Variants in KCNT2 observed in about 807,000 individuals in gnomAD.
The protein encoded by KCNT2 is potassium sodium-activated channel subfamily T member 2.
In KCNT2, 67 loss-of-function variants were observed where a neutral mutation model predicts 153.8. The ratio of observed to expected loss-of-function variants is 0.44; its 90% confidence interval spans 0.36 to 0.53. The LOEUF (loss-of-function observed/expected upper bound fraction) is 0.53, where lower values mean the gene tolerates loss of function less well. KCNT2 is among the 20% of genes least tolerant of loss of function. The probability of loss-of-function intolerance (pLI) is 0.00; values close to 1 mark genes in which losing one functional copy is unlikely to be tolerated. For synonymous variants in KCNT2, 500 were observed against 458.8 expected, an observed-to-expected ratio of 1.09 and a Z score of -1.15; for missense variants, 975 against 1,354.8, an observed-to-expected ratio of 0.72 and a Z score of 4.40.
chr1:196,307,822 A>G (rs1661778850), intron 21 of KCNT2, among the ~76,000 whole-genome samples: 2 of 151,942 alleles, frequency 1.3e-5, no homozygotes, highest in African/African-American at 4.8e-5. Context: ...GGCCTGATGG[A>G]AAAAAAATGT....
chr1:196,435,868 TA>T (rs1011515925), intron 8 of KCNT2, among the ~76,000 whole-genome samples: 1 of 151,718 alleles, frequency 6.6e-6, no homozygotes. Context: ...TGTTTTTATG[TA>T]AAAAGTCACC....
chr1:196,465,801 T>G (rs1677561729), intron 7 of KCNT2, among the ~76,000 whole-genome samples: 1 of 151,866 alleles, frequency 6.6e-6, no homozygotes, highest in Non-Finnish European at 1.5e-5. Flanking sequence ...AAGCTCATTA[T>G]CAGGAAAATT....
intron 25 of KCNT2, among the ~76,000 whole-genome samples, chr1:196,270,396 C>T (rs1035406090): frequency 1.3e-5 from 2 of 151,876 alleles, no homozygotes; most frequent in Admixed American, 6.6e-5. Context: ...AATATAAAAA[C>T]GTATTTGCTT....
At chr1:196,273,822 T>C (rs2147840379) in intron 25 of KCNT2, among the ~76,000 whole-genome samples, 1 of 151,826 alleles carries the variant, frequency 6.6e-6, no homozygotes, top group African/African-American at 2.4e-5. Context: ...ACTATAAAAG[T>C]AGCCATAATC....
chr1:196,401,192 A>G (rs756874997), intron 12 of KCNT2, among the ~76,000 whole-genome samples: 3 of 151,840 alleles, frequency 2.0e-5, no homozygotes, highest in Non-Finnish European at 4.4e-5. Flanking sequence ...CTTTATTTTG[A>G]GTTTAAGCAA....
intron 1 of KCNT2, among the ~76,000 whole-genome samples, chr1:196,584,346 G>C (rs1208086655): frequency 2.0e-5 from 3 of 151,832 alleles, no homozygotes; most frequent in Non-Finnish European, 4.4e-5. Flanking sequence ...GTAAGAAGAG[G>C]GGTAACACAT....
intron 5 of KCNT2, among the ~76,000 whole-genome samples, chr1:196,471,222 A>G (rs1678083559): frequency 6.6e-6 from 1 of 151,962 alleles, no homozygotes; most frequent in Admixed American, 6.6e-5. Context: ...TTTCTTAAAT[A>G]CTAAACTGTG....
At chr1:196,358,310 T>C (rs912727450) in intron 14 of KCNT2, among the ~76,000 whole-genome samples, 4 of 151,844 alleles carry the variant, frequency 2.6e-5, no homozygotes, top group African/African-American at 9.7e-5. Flanking sequence ...CCACCACAAC[T>C]CCTGTTCTGT....
intron 8 of KCNT2, among the ~76,000 whole-genome samples, chr1:196,441,930 G>C (rs1675270147): frequency 6.6e-6 from 1 of 151,678 alleles, no homozygotes; most frequent in African/African-American, 2.4e-5. Context: ...GAAGGAAGTA[G>C]ACAAATAAAG....
At chr1:196,570,227 C>T (rs1380565050) in intron 1 of KCNT2, among the ~76,000 whole-genome samples, 2 of 151,982 alleles carry the variant, frequency 1.3e-5, no homozygotes, top group South Asian at 2.1e-4. Context: ...GGGTGAAATG[C>T]AGTAAGTATG....
intron 8 of KCNT2, among the ~76,000 whole-genome samples, chr1:196,432,889 A>G (rs1199089440): frequency 6.6e-6 from 1 of 152,118 alleles, no homozygotes; most frequent in East Asian, 1.9e-4. Context: ...CAGGACATGC[A>G]TTTTGATGGG....
intron 1 of KCNT2, among the ~76,000 whole-genome samples, chr1:196,532,842 C>T (rs1251810347): frequency 6.6e-6 from 1 of 152,002 alleles, no homozygotes; most frequent in Non-Finnish European, 1.5e-5. Flanking sequence ...CTAAACCATA[C>T]AACCTATAAT....
At chr1:196,309,978 A>G (rs1293353717) in intron 21 of KCNT2, among the ~76,000 whole-genome samples, 1 of 151,856 alleles carries the variant, frequency 6.6e-6, no homozygotes, top group Non-Finnish European at 1.5e-5. Flanking sequence ...TAAAATATCT[A>G]TGGAAGAGTT....
chr1:196,493,221 G>A (rs752022962), intron 1 of KCNT2, among the ~76,000 whole-genome samples: 6 of 151,604 alleles, frequency 4.0e-5, no homozygotes, highest in Non-Finnish European at 8.8e-5. Flanking sequence ...AAACAGCTAA[G>A]AATGGATTTT....
chr1:196,553,908 A>G (rs1032252920), intron 1 of KCNT2, among the ~76,000 whole-genome samples: 9 of 151,302 alleles, frequency 5.9e-5, no homozygotes, highest in African/African-American at 2.2e-4. Flanking sequence ...TTAAGAGGAA[A>G]TTGAAAAATT....
chr1:196,476,021 TGTC>T (rs1373497882), intron 5 of KCNT2, among the ~76,000 whole-genome samples: 2 of 152,230 alleles, frequency 1.3e-5, no homozygotes, highest in Non-Finnish European at 2.9e-5. Context: ...TGATTATAAA[TGTC>T]ATCATCATAT....
At chr1:196,486,322 TA>T (rs949802557) in intron 3 of KCNT2, among the ~76,000 whole-genome samples, 4 of 151,806 alleles carry the variant, frequency 2.6e-5, no homozygotes, top group African/African-American at 9.7e-5. Flanking sequence ...AAAAATTAAA[TA>T]AAAAAATGCA....
chr1:196,309,455 T>A (rs2147995457), intron 21 of KCNT2, among the ~76,000 whole-genome samples: 1 of 151,970 alleles, frequency 6.6e-6, no homozygotes, highest in East Asian at 1.9e-4. Flanking sequence ...TGTATTTGAG[T>A]GGCTTCTGGA....
chr1:196,422,823 A>G (rs1285116853), intron 12 of KCNT2, among the ~76,000 whole-genome samples: 1 of 152,010 alleles, frequency 6.6e-6, no homozygotes, highest in Admixed American at 6.6e-5. Context: ...CATTTTGATC[A>G]ACAGATTATG....
Sources: allele counts gnomAD v4.1 joint callset (sites outside exome capture counted in the v4.1 genomes callset), GRCh38; gene constraint gnomAD v4.1.1; transcripts MANE v1.5; gene names NCBI Gene and HGNC (gene_info 2026-07-23, HGNC 2026-07-21).